SNCB: variants seen among roughly 807,000 people sequenced by gnomAD.
The protein encoded by SNCB is synuclein beta.
In SNCB, 8 loss-of-function variants were observed where a neutral mutation model predicts 20.0. That is an observed-to-expected ratio of 0.40 (90% CI 0.24 to 0.72). The LOEUF is 0.72. Among genes scored for constraint, SNCB ranks in the 30% least tolerant of loss-of-function variants. The probability of loss-of-function intolerance (pLI) is 0.37; values close to 1 mark genes in which losing one functional copy is unlikely to be tolerated. For missense variants in SNCB, 125 were observed against 168.0 expected, an observed-to-expected ratio of 0.74 and a Z score of 1.41; for synonymous variants, 56 against 65.4, an observed-to-expected ratio of 0.86 and a Z score of 0.69.
intron 4 of SNCB, among the ~76,000 whole-genome samples, chr5:176,625,745 T>TTGGAG (rs1759900367): frequency 6.6e-6 from 1 of 152,192 alleles, no homozygotes; most frequent in African/African-American, 2.4e-5. Context: ...CCAACCTGCC[T>TTGGAG]CAGGGCCTTG....
At chr5:176,623,061 A>AC (rs915167719) in intron 4 of SNCB, among the ~76,000 whole-genome samples, 4 of 152,018 alleles carry the variant, frequency 2.6e-5, no homozygotes, top group African/African-American at 9.7e-5. Context: ...GAAGTCAAAA[A>AC]ACACCCAACT....
intron 4 of SNCB, among the ~76,000 whole-genome samples, chr5:176,623,122 G>A (rs765726502): frequency 2.0e-5 from 3 of 152,054 alleles, no homozygotes; most frequent in Non-Finnish European, 4.4e-5. Flanking sequence ...AGTGGCTCAC[G>A]CCCGTTACCA....
rs1217741468 is a variant in SNCB at position 176,620,500 on chromosome 5, C to T, written c.*311G>A. The T allele has an allele frequency of 2.5e-6, 1 of 408,106 alleles. No homozygotes were observed. 25.3% of individuals were successfully genotyped at this position (408,106 alleles called of 1,614,324 possible). ...GTCGGGGATCGGGGAGGAGCCGTCGCTCGGATCTTCGTTTAAAAACACATA... is the reference window on the plus strand; with the variant it reads ...GTCGGGGATCGGGGAGGAGCCGTCGTTCGGATCTTCGTTTAAAAACACATA... On this transcript the variant is annotated 3_prime_UTR_variant, in exon 6 of 6. Coordinates refer to ENST00000393693, the MANE Select transcript of SNCB (RefSeq NM_003085.5). This position sits in a 1 kb window ranked among gnomAD's most constrained non-coding sequence, Gnocchi z 4.5.
chr5:176,626,455 C>T lies in SNCB; in HGVS notation c.225G>A (p.Gly75=), dbSNP rs762397484. 6.2e-7 allele frequency: 1 copy of T among 1,614,064 alleles called. No individual in the cohort carries two copies. Among genetic ancestry groups the T allele is most frequent in the South Asian group, 1.1e-5 (1 of 91,086 alleles). ...CCAGTCCTGTGGCTGCTGCGATGTT[C>T]CCTGCCCCAGAGAACACAGCTCCTC... ...HLGGAVFSGA[G]NIAAATGLVK... Residue 75 remains glycine, a synonymous_variant, in exon 4 of 6, where the codon GGG becomes GGA. Transcript: ENST00000393693. This position sits in a 1 kb window ranked among gnomAD's most constrained non-coding sequence, Gnocchi z 4.2.
At position 176,620,783 on chromosome 5, in the gene SNCB, TG is replaced by T. The variant is rs781395197; in HGVS notation, c.*27del. On this transcript the variant is annotated 3_prime_UTR_variant, in exon 6 of 6. Transcript: ENST00000393693. This position sits in a 1 kb window ranked among gnomAD's most constrained non-coding sequence, Gnocchi z 4.5. ...CGGGGCAGGGACAGGGACAGAATTG[TG>T]CTGCTGGTGGGGGCTCTCCTGGGCC... 1 of 1,593,416 alleles carries T rather than the reference TG, an allele frequency of 6.3e-7. No individual in the cohort carries two copies. The highest frequency in any genetic ancestry group is 1.1e-5 in the South Asian group (1 of 90,718).
intron 4 of SNCB, among the ~76,000 whole-genome samples, chr5:176,624,121 C>G (rs1448827617): frequency 1.3e-5 from 2 of 152,180 alleles, no homozygotes; most frequent in East Asian, 3.9e-4. Context: ...CAACAAGCAC[C>G]AGTAGGAGAA....
intron 4 of SNCB, among the ~76,000 whole-genome samples, chr5:176,623,835 T>C (rs1393730500): frequency 2.0e-5 from 3 of 152,226 alleles, no homozygotes; most frequent in Admixed American, 2.0e-4. Flanking sequence ...CAGGACCCCA[T>C]CTCAGAAAAC....
intron 2 of SNCB, among the ~76,000 whole-genome samples, chr5:176,628,667 G>A (rs934739181): frequency 7.2e-5 from 11 of 152,232 alleles, no homozygotes; most frequent in African/African-American, 2.6e-4. Flanking sequence ...TATTACTCAG[G>A]GATGAGGCAT....
intron 4 of SNCB, among the ~76,000 whole-genome samples, chr5:176,622,398 G>A (rs1260209274): frequency 6.6e-6 from 1 of 152,194 alleles, no homozygotes; most frequent in Non-Finnish European, 1.5e-5. Context: ...GCTGAGGCAG[G>A]AGAATCGCTT....
chr5:176,626,792 ACT>A lies in SNCB; in HGVS notation c.122-33_122-32del. The A allele has an allele frequency of 6.2e-7, 1 of 1,613,220 alleles. No individual in the cohort carries two copies. The highest frequency in any genetic ancestry group is 1.7e-5 in the Admixed American group (1 of 60,012). ...GGGAGAAAAAGCGGCACATTTAAGG[ACT>A]CTGCGCTGAGGGAACAGAAACTCCA... On this transcript the variant is annotated intron_variant, in intron 2 of 5. Coordinates refer to ENST00000393693, the MANE Select transcript of SNCB (RefSeq NM_003085.5). The surrounding 1 kb of genome is among the most constrained non-coding windows in gnomAD (Gnocchi z 4.2).
chr5:176,624,821 A>C (rs867611433), intron 4 of SNCB, among the ~76,000 whole-genome samples: 11 of 151,872 alleles, frequency 7.2e-5, no homozygotes, highest in African/African-American at 1.4e-4. Flanking sequence ...AAAAAAACAA[A>C]AAAAAACAAA....
Position 176,620,267 on chromosome 5 carries a change from G to A in SNCB, c.*544C>T. The A allele has an allele frequency of 6.5e-6, 1 of 154,448 alleles. No homozygotes were observed. The highest frequency in any genetic ancestry group is 1.4e-5 in the Non-Finnish European group (1 of 69,646). 9.6% of individuals were successfully genotyped at this position (154,448 alleles called of 1,614,324 possible). A position where few individuals can be genotyped will look rare whatever the true frequency, so the allele number is the denominator to read the frequency against. On this transcript the variant is annotated 3_prime_UTR_variant, in exon 6 of 6. Coordinates refer to ENST00000393693, the MANE Select transcript of SNCB (RefSeq NM_003085.5). This position sits in a 1 kb window ranked among gnomAD's most constrained non-coding sequence, Gnocchi z 4.5. ...GGGGCGGCCGGGCCCACCCGCCCGGGACACGCTCACATGGGGGGGATGGGG... is the reference window on the plus strand; with the variant it reads ...GGGGCGGCCGGGCCCACCCGCCCGGAACACGCTCACATGGGGGGGATGGGG...
intron 4 of SNCB, among the ~76,000 whole-genome samples, chr5:176,623,885 G>T (rs1031114702): frequency 1.3e-5 from 2 of 152,142 alleles, no homozygotes; most frequent in African/African-American, 4.8e-5. Flanking sequence ...TAGCTACCTG[G>T]CATCAGGCAA....
intron 4 of SNCB, among the ~76,000 whole-genome samples, chr5:176,624,941 A>G (rs942118146): frequency 1.3e-4 from 20 of 152,118 alleles, no homozygotes; most frequent in South Asian, 8.3e-4. Context: ...AAATGACAGG[A>G]GTGGAGGGCA....
At position 176,629,890 on chromosome 5, in the gene SNCB, T is replaced by A. The variant is rs1442640200; in HGVS notation, c.-9-227A>T. On this transcript the variant is annotated intron_variant, in intron 1 of 5. Transcript: ENST00000393693. This position sits in a 1 kb window ranked among gnomAD's most constrained non-coding sequence, Gnocchi z 4.1. ...TGGGGACGCGGGAGGGGCCACTGCC[T>A]CGGTTATCCGGGCCCTGCAAACTGC... The A allele has an allele frequency of 2.4e-5, 13 of 534,950 alleles. No individual in the cohort carries two copies. The South Asian group carries it at 3.2e-4, about 13-fold the overall frequency. 33.1% of individuals were successfully genotyped at this position (534,950 alleles called of 1,614,324 possible).
At chr5:176,628,507 T>C (rs1382011579) in intron 2 of SNCB, among the ~76,000 whole-genome samples, 1 of 152,174 alleles carries the variant, frequency 6.6e-6, no homozygotes, top group Non-Finnish European at 1.5e-5. Flanking sequence ...GTGGCCATGA[T>C]AACAACGTTT....
intron 1 of SNCB, chr5:176,630,007 A>C: frequency 4.6e-6 from 1 of 218,516 alleles, no homozygotes; most frequent in South Asian, 7.7e-5. Context: ...GCACACAAAC[A>C]TACACCACGG....
intron 4 of SNCB, among the ~76,000 whole-genome samples, chr5:176,622,493 A>G (rs1402364025): frequency 6.9e-6 from 1 of 145,002 alleles, no homozygotes; most frequent in Admixed American, 6.8e-5. Flanking sequence ...CCATCTCAAC[A>G]AAACAAAACA....
At chr5:176,625,123 T>A (rs990953384) in intron 4 of SNCB, among the ~76,000 whole-genome samples, 16 of 152,212 alleles carry the variant, frequency 1.1e-4, no homozygotes, top group African/African-American at 3.9e-4. Context: ...TCATGGGGGA[T>A]CCACTTCCAG....
Sources: allele counts gnomAD v4.1 joint callset (sites outside exome capture counted in the v4.1 genomes callset), GRCh38; gene constraint gnomAD v4.1.1; non-coding constraint Gnocchi (gnomAD v3.1); transcripts MANE v1.5; gene names NCBI Gene and HGNC (gene_info 2026-07-23, HGNC 2026-07-21).